The following PADI6 variants were observed in gnomAD, a reference collection of about 807,000 sequenced individuals.
PADI6 encodes inactive protein-arginine deiminase type-6.
A neutral mutation model predicts 78.2 loss-of-function variants in PADI6; 66 were observed. That is an observed-to-expected ratio of 0.84 (90% CI 0.69 to 1.04). PADI6 has a LOEUF of 1.04. PADI6 is among the 50% of genes least tolerant of loss of function. PADI6 has a pLI of 0.00. For missense variants in PADI6, 854 were observed against 866.1 expected, an observed-to-expected ratio of 0.99 and a Z score of 0.18; for synonymous variants, 397 against 346.9, an observed-to-expected ratio of 1.14 and a Z score of -1.60.
chr1:17,392,564 C>T (rs1181206607), intron 9 of PADI6, among the ~76,000 whole-genome samples: 1 of 152,236 alleles, frequency 6.6e-6, no homozygotes, highest in Non-Finnish European at 1.5e-5. Flanking sequence ...TCTGGCACAG[C>T]ACCAAGTCTA....
At chr1:17,392,850 G>C (rs1046486012) in intron 9 of PADI6, among the ~76,000 whole-genome samples, 4 of 152,172 alleles carry the variant, frequency 2.6e-5, no homozygotes, top group African/African-American at 9.7e-5. Flanking sequence ...GGCAGGGGTG[G>C]CCAGGATTAA....
Position 17,392,168 on chromosome 1 carries a change from C to G in PADI6, c.1017C>G (p.Ser339Arg). ...VDTVTKLSEK[S>R]NSQVASVYED... is the part of the protein sequence containing the mutation. ...CAGTGACGAAGCTGAGTGAGAAGAGCAACAGCCAGGTGGCATCTGTCTATG... is the reference window on the plus strand; with the variant it reads ...CAGTGACGAAGCTGAGTGAGAAGAGGAACAGCCAGGTGGCATCTGTCTATG... The change falls in exon 9 of 16, where the codon AGC becomes AGG. Residue 339 changes from serine to arginine, a missense_variant. Physicochemically the swap from Ser to Arg is moderately radical, Grantham distance 110. Coordinates refer to ENST00000619609, the MANE Select transcript of PADI6 (RefSeq NM_207421.4). 1 of 1,562,040 alleles carries G rather than the reference C, an allele frequency of 6.4e-7. No homozygotes were observed. The highest frequency in any genetic ancestry group is 1.9e-5 in the Admixed American group (1 of 52,176).
chr1:17,400,208 CAA>C (rs34308317), intron 15 of PADI6, among the ~76,000 whole-genome samples: 90 of 135,584 alleles, frequency 6.6e-4, no homozygotes, highest in East Asian at 1.3e-3. Flanking sequence ...TAAACCAAAC[CAA>C]AAAAAAAAAA....
chr1:17,381,403 G>A (rs920112362), intron 5 of PADI6, among the ~76,000 whole-genome samples: 4 of 152,206 alleles, frequency 2.6e-5, no homozygotes, highest in African/African-American at 9.7e-5. Flanking sequence ...GTGAACTTGA[G>A]CACACTAACT....
chr1:17,386,458 G>A (rs1003160496), intron 6 of PADI6, among the ~76,000 whole-genome samples: 1 of 152,222 alleles, frequency 6.6e-6, no homozygotes, highest in African/African-American at 2.4e-5. Context: ...GGGAGCCCAG[G>A]TCCCCAGAAC....
At chr1:17,372,571 C>T (rs2074972760) in intron 1 of PADI6, among the ~76,000 whole-genome samples, 2 of 152,146 alleles carry the variant, frequency 1.3e-5, no homozygotes, top group Admixed American at 6.5e-5. Context: ...TAGCAGCTGC[C>T]ATGGACTCTT....
chr1:17,399,810 G>A (rs955555055), intron 15 of PADI6, among the ~76,000 whole-genome samples: 1 of 152,018 alleles, frequency 6.6e-6, no homozygotes, highest in Non-Finnish European at 1.5e-5. Context: ...GGCTGAGGTG[G>A]GTGGATCACT....
chr1:17,381,424 T>A, intron 5 of PADI6, among the ~76,000 whole-genome samples: 1 of 152,170 alleles, frequency 6.6e-6, no homozygotes, highest in Non-Finnish European at 1.5e-5. Context: ...TCCCTGATCT[T>A]GTTTCCCTAT....
intron 8 of PADI6, among the ~76,000 whole-genome samples, chr1:17,390,536 G>A (rs987043857): frequency 1.3e-4 from 20 of 150,928 alleles, no homozygotes; most frequent in South Asian, 4.2e-4. Context: ...CCCAGAAGGC[G>A]GAGGTTGCAG....
intron 6 of PADI6, among the ~76,000 whole-genome samples, chr1:17,383,017 A>G (rs2075087804): frequency 6.6e-6 from 1 of 152,226 alleles, no homozygotes; most frequent in South Asian, 2.1e-4. Flanking sequence ...TCCCGGATGC[A>G]AACAATCCTC....
At chr1:17,399,771 C>T (rs531593202) in intron 15 of PADI6, among the ~76,000 whole-genome samples, 2 of 151,608 alleles carry the variant, frequency 1.3e-5, no homozygotes, top group South Asian at 4.2e-4. Flanking sequence ...GGTGCAGTGG[C>T]TCATGCCCGT....
chr1:17,389,524 A>G (rs1330364152), intron 8 of PADI6, among the ~76,000 whole-genome samples: 1 of 152,184 alleles, frequency 6.6e-6, no homozygotes, highest in Non-Finnish European at 1.5e-5. Flanking sequence ...AGATTTGGAC[A>G]CTGCAACCTA....
At chr1:17,391,317 T>G (rs2075181680) in intron 8 of PADI6, among the ~76,000 whole-genome samples, 1 of 152,164 alleles carries the variant, frequency 6.6e-6, no homozygotes, top group South Asian at 2.1e-4. Flanking sequence ...CCTCCAGGGT[T>G]CCAGCAATTC....
intron 14 of PADI6, among the ~76,000 whole-genome samples, chr1:17,398,224 C>G (rs1471834738): frequency 1.3e-5 from 2 of 152,192 alleles, no homozygotes; most frequent in Admixed American, 6.5e-5. Flanking sequence ...GAACAGCCCC[C>G]CTGGCATAGC....
At chr1:17,394,175 C>T in intron 10 of PADI6, 93 bp downstream of exon 10, 2 of 1,519,236 alleles carry the variant, frequency 1.3e-6, no homozygotes, top group Non-Finnish European at 1.8e-6. Context: ...GGGGAGAGGG[C>T]CCAGGTGGCC....
In PADI6 at chr1:17,388,892, T is replaced by C. The variant is rs1361937618; in HGVS notation, c.962+12T>C. On this transcript the variant is annotated intron_variant, in intron 8 of 15. Coordinates refer to ENST00000619609, the MANE Select transcript of PADI6 (RefSeq NM_207421.4). Reference sequence around the variant, plus strand: ...GTTTACCTGTGCAGGTGAGAGACCATCAGGCTGACTGTGCCAGGCGGTTCT... The same window carrying C: ...GTTTACCTGTGCAGGTGAGAGACCACCAGGCTGACTGTGCCAGGCGGTTCT... The C allele has an allele frequency of 6.2e-7, 1 of 1,604,402 alleles. No homozygotes were observed. The highest frequency in any genetic ancestry group is 1.7e-5 in the Admixed American group (1 of 59,648).
chr1:17,372,284 TATC>T lies in PADI6; in HGVS notation c.43_45del (p.Ile15del). On this transcript the variant is annotated inframe_deletion, in exon 1 of 16. Coordinates refer to ENST00000619609, the MANE Select transcript of PADI6 (RefSeq NM_207421.4). The stretch of plus-strand genomic sequence containing the variant: ...AGGGCCGAGCCATGTCCTTCCAGAG[TATC>T]ATCCACCTGTCCCTGGACAGCCCTG... The T allele has an allele frequency of 6.2e-7, 1 of 1,613,758 alleles. No individual in the cohort carries two copies. The highest frequency in any genetic ancestry group is 8.5e-7 in the Non-Finnish European group (1 of 1,179,844).
chr1:17,393,954 C>T, intron 9 of PADI6, 21 bp from the exon 10 acceptor site: 1 of 1,603,092 alleles, frequency 6.2e-7, no homozygotes, highest in Non-Finnish European at 8.5e-7. Context: ...GGCAAACAAT[C>T]TGTCTTCCTC....
intron 6 of PADI6, among the ~76,000 whole-genome samples, chr1:17,387,741 A>G (rs1291071378): frequency 6.6e-6 from 1 of 151,946 alleles, no homozygotes; most frequent in African/African-American, 2.4e-5. Context: ...ACAGAGCAAG[A>G]CTCCCTCTCA....
Sources: allele counts gnomAD v4.1 joint callset (sites outside exome capture counted in the v4.1 genomes callset), GRCh38; gene constraint gnomAD v4.1.1; transcripts MANE v1.5; gene names NCBI Gene and HGNC (gene_info 2026-07-23, HGNC 2026-07-21).